The following EPSTI1 variants were observed in gnomAD, a reference collection of about 807,000 sequenced individuals.
The protein encoded by EPSTI1 is epithelial-stromal interaction protein 1.
Under a neutral mutation model 49.9 loss-of-function variants are expected in EPSTI1, and 66 were observed. That is an observed-to-expected ratio of 1.32 (90% CI 1.08 to 1.62). EPSTI1 has a LOEUF of 1.62. Ranked by LOEUF, EPSTI1 falls within the 40% of genes most tolerant of loss-of-function variation. EPSTI1 has a pLI of 0.00. For synonymous variants in EPSTI1, 137 were observed against 130.7 expected (o/e 1.05, Z -0.33); for missense variants, 394 against 365.5 (o/e 1.08, Z -0.64).
chr13:42,979,466 C>A (rs2039944203), intron 1 of EPSTI1, among the ~76,000 whole-genome samples: 2 of 151,694 alleles, frequency 1.3e-5, no homozygotes, highest in African/African-American at 4.8e-5. Context: ...CCTGTAGTCC[C>A]AGCTACTCAG....
intron 7 of EPSTI1, among the ~76,000 whole-genome samples, chr13:42,921,792 C>T (rs2038004133): frequency 6.6e-6 from 1 of 151,878 alleles, no homozygotes; most frequent in African/African-American, 2.4e-5. Flanking sequence ...AGTCCCAGAA[C>T]AACAGCTGTG....
chr13:42,938,958 A>T (rs749787587), intron 6 of EPSTI1, among the ~76,000 whole-genome samples: 4 of 145,036 alleles, frequency 2.8e-5, no homozygotes, highest in African/African-American at 5.0e-5. Context: ...ACACACCTTC[A>T]TCAATGATCT....
chr13:42,899,268 TAATA>T (rs1487486503), intron 9 of EPSTI1, among the ~76,000 whole-genome samples: 1 of 151,890 alleles, frequency 6.6e-6, no homozygotes, highest in African/African-American at 2.4e-5. Flanking sequence ...GCCTACTTTA[TAATA>T]AATAAGTAGT....
chr13:42,924,824 T>C (rs2038122456), intron 7 of EPSTI1, among the ~76,000 whole-genome samples: 8 of 152,222 alleles, frequency 5.3e-5, no homozygotes, highest in Admixed American at 5.2e-4. Flanking sequence ...GATTTCTAAG[T>C]AGGAGTATAA....
chr13:42,989,567 C>CTTTTTTTTTTTTTTT lies in EPSTI1; in HGVS notation c.188+2396_188+2410dup. Reference sequence around the variant, plus strand: ...ATTAAAGCACTTTATCCTCTTTTTTCTTTTTTTTTTTTTTTTGCTTTTTGT... The same window carrying CTTTTTTTTTTTTTTT: ...ATTAAAGCACTTTATCCTCTTTTTTCTTTTTTTTTTTTTTTTTTTTTTTTTTTTTTTGCTTTTTGT... On this transcript the variant is annotated intron_variant, in intron 1 of 10. Transcript: ENST00000313624. Among the ~76,000 whole-genome samples, 39 of 78,988 alleles carry CTTTTTTTTTTTTTTT rather than the reference C, an allele frequency of 4.9e-4. 1 individual carries two copies. The highest frequency in any genetic ancestry group is 1.3e-3 in the Admixed American group (8 of 6,294). The allele number at this position is 78,988 out of a possible 152,430, so 51.8% of individuals were successfully genotyped here.
chr13:42,990,294 C>G (rs2040171034), intron 1 of EPSTI1, among the ~76,000 whole-genome samples: 2 of 151,908 alleles, frequency 1.3e-5, no homozygotes, highest in Admixed American at 6.6e-5. Context: ...GTGAGCTCTT[C>G]AGGGTATTAA....
intron 6 of EPSTI1, among the ~76,000 whole-genome samples, chr13:42,942,641 A>G (rs2153425905): frequency 7.0e-6 from 1 of 143,110 alleles, no homozygotes; most frequent in African/African-American, 2.6e-5. Context: ...CATGATTTTA[A>G]TTAGATCCTG....
intron 8 of EPSTI1, among the ~76,000 whole-genome samples, chr13:42,903,632 G>C (rs1225402203): frequency 6.6e-6 from 1 of 152,204 alleles, no homozygotes; most frequent in Non-Finnish European, 1.5e-5. Context: ...TGGAAATGTA[G>C]TTTACCATAA....
chr13:42,986,439 G>A (rs1443463379), intron 1 of EPSTI1, among the ~76,000 whole-genome samples: 2 of 151,986 alleles, frequency 1.3e-5, no homozygotes, highest in African/African-American at 4.8e-5. Flanking sequence ...CTATGCGATT[G>A]GGGGGTTAAA....
At chr13:42,985,491 C>T (rs1436757524) in intron 1 of EPSTI1, among the ~76,000 whole-genome samples, 1 of 152,172 alleles carries the variant, frequency 6.6e-6, no homozygotes, top group Non-Finnish European at 1.5e-5. Context: ...TTCATGGCCC[C>T]AGCTCCACGT....
Position 42,932,454 on chromosome 13 carries a change from C to T in EPSTI1, c.564-6025G>A, listed in dbSNP as rs113948461. 3.2e-3 allele frequency among the ~76,000 whole-genome samples: 481 copies of T among 152,180 alleles called. 2 individuals carry two copies. The highest frequency in any genetic ancestry group is 0.011 in the African/African-American group (457 of 41,520). On this transcript the variant is annotated intron_variant, in intron 6 of 10. Coordinates refer to ENST00000313624, the MANE Select transcript of EPSTI1 (RefSeq NM_033255.5). The stretch of plus-strand genomic sequence containing the variant: ...GACTCAGTCTCTCAATCCCACACTG[C>T]CCCATATATCTACCACTTAAGCCCC...
chr13:42,943,386 T>C (rs2038821454), intron 6 of EPSTI1, among the ~76,000 whole-genome samples: 2 of 152,224 alleles, frequency 1.3e-5, no homozygotes, highest in Admixed American at 1.3e-4. Flanking sequence ...AGTTACACTG[T>C]ATTCAGCGTC....
At chr13:42,911,363 T>C (rs2037681830) in intron 8 of EPSTI1, among the ~76,000 whole-genome samples, 1 of 152,182 alleles carries the variant, frequency 6.6e-6, no homozygotes, top group Non-Finnish European at 1.5e-5. Context: ...AAATGTTTCA[T>C]CTTTTTTCTT....
rs6561097 is a variant in EPSTI1 at position 42,935,612 on chromosome 13, G to T, written c.564-9183C>A. ...TTTTTTTATTTTTTATTTTTTTGAGGCAGAGTTTTGCTCTTGTTGCCCAGG... is the reference window on the plus strand; with the variant it reads ...TTTTTTTATTTTTTATTTTTTTGAGTCAGAGTTTTGCTCTTGTTGCCCAGG... On this transcript the variant is annotated intron_variant, in intron 6 of 10. Coordinates refer to ENST00000313624, the MANE Select transcript of EPSTI1 (RefSeq NM_033255.5). Among the ~76,000 whole-genome samples, 149 of 152,134 alleles carry T rather than the reference G, an allele frequency of 9.8e-4. No homozygotes were observed. The Middle Eastern group carries it at 0.014, about 14-fold the overall frequency.
Position 42,958,130 on chromosome 13 carries a change from T to C in EPSTI1, c.490-4109A>G, listed in dbSNP as rs188645821. On this transcript the variant is annotated intron_variant, in intron 5 of 10. Coordinates refer to ENST00000313624, the MANE Select transcript of EPSTI1 (RefSeq NM_033255.5). ...TAGGTAGATTAGAACCAGAGAAGCA[T>C]TAGAAACAAAAGCCAAATTCAGCCC... 8.4e-4 allele frequency among the ~76,000 whole-genome samples: 128 copies of C among 152,218 alleles called. 5 individuals are homozygous for C. The highest frequency in any genetic ancestry group is 8.2e-3 in the Admixed American group (126 of 15,288).
chr13:42,947,441 G>A (rs1440443972), intron 6 of EPSTI1, among the ~76,000 whole-genome samples: 3 of 152,054 alleles, frequency 2.0e-5, no homozygotes, highest in African/African-American at 7.2e-5. Context: ...CTCCTTCTCA[G>A]GTCTTCCACC....
chr13:42,976,660 C>T (rs552475175), intron 1 of EPSTI1, among the ~76,000 whole-genome samples: 1 of 152,092 alleles, frequency 6.6e-6, no homozygotes, highest in Non-Finnish European at 1.5e-5. Context: ...AGGAAAAAAC[C>T]AGAAATGCAA....
Position 42,888,544 on chromosome 13 carries a change from T to G in EPSTI1, c.916-42A>C, listed in dbSNP as rs201582826. 186 of 1,568,422 alleles carry G rather than the reference T, an allele frequency of 1.2e-4. 1 individual carries two copies. The highest frequency in any genetic ancestry group is 1.0e-3 in the Middle Eastern group (6 of 5,730). ...ACAAAAATTACTGCAAGCAGCAAAA[T>G]AAAATTCAAAGCCTTTGTAGTCAAA... is the stretch of plus-strand genomic sequence containing the variant. On this transcript the variant is annotated intron_variant, in intron 10 of 10. Coordinates refer to ENST00000313624, the MANE Select transcript of EPSTI1 (RefSeq NM_033255.5).
intron 8 of EPSTI1, among the ~76,000 whole-genome samples, chr13:42,911,236 A>G (rs529202779): frequency 3.9e-5 from 5 of 126,650 alleles, no homozygotes; most frequent in East Asian, 3.7e-4. Context: ...AGGGAGGGAG[A>G]GAGAGAGAGT....
Sources: gnomAD v4.1 joint callset for allele counts (sites outside exome capture counted in the v4.1 genomes callset) on GRCh38, gnomAD v4.1.1 for gene constraint, MANE v1.5 for transcripts, NCBI Gene and HGNC (gene_info 2026-07-23, HGNC 2026-07-21) for gene names.